The following ROCK2 variants were observed in gnomAD, a reference collection of about 807,000 sequenced individuals.
ROCK2 encodes rho-associated protein kinase 2.
A neutral mutation model predicts 195.1 loss-of-function variants in ROCK2; 61 were observed. That is an observed-to-expected ratio of 0.31 (90% CI 0.25 to 0.39). ROCK2 has a LOEUF of 0.39. ROCK2 is among the 10% of genes least tolerant of loss of function. The pLI is 1.00. For synonymous variants in ROCK2, 504 were observed against 545.5 expected, an observed-to-expected ratio of 0.92 and a Z score of 1.06; for missense variants, 1,109 against 1,637.4, an observed-to-expected ratio of 0.68 and a Z score of 5.57.
At chr2:11,232,125 C>T (rs919022172) in intron 5 of ROCK2, among the ~76,000 whole-genome samples, 38 of 133,858 alleles carry the variant, frequency 2.8e-4, no homozygotes, top group African/African-American at 9.2e-4. Flanking sequence ...AAACTATGGA[C>T]ATTTCTTTTT....
intron 1 of ROCK2, among the ~76,000 whole-genome samples, chr2:11,320,298 A>C (rs964054033): frequency 1.3e-5 from 2 of 152,200 alleles, no homozygotes; most frequent in African/African-American, 2.4e-5. Context: ...AGAAAATAAT[A>C]GCTATTTGGG....
At chr2:11,301,438 A>C (rs1041619383) in intron 1 of ROCK2, among the ~76,000 whole-genome samples, 2 of 152,110 alleles carry the variant, frequency 1.3e-5, no homozygotes, top group Non-Finnish European at 2.9e-5. Context: ...CCAGCATCTT[A>C]GTATCAACAT....
chr2:11,204,272 T>C (rs1049391072), intron 20 of ROCK2, among the ~76,000 whole-genome samples: 9 of 152,098 alleles, frequency 5.9e-5, no homozygotes, highest in African/African-American at 1.7e-4. Context: ...CCTCCCAATA[T>C]AGTTGTATCA....
At chr2:11,258,322 T>C (rs901789914) in intron 3 of ROCK2, among the ~76,000 whole-genome samples, 1 of 151,492 alleles carries the variant, frequency 6.6e-6, no homozygotes. Context: ...TTTTGTCTCA[T>C]ACCCTTACTA....
chr2:11,227,975 T>A (rs1378908424), intron 5 of ROCK2, among the ~76,000 whole-genome samples: 2 of 152,198 alleles, frequency 1.3e-5, no homozygotes, highest in Non-Finnish European at 2.9e-5. Flanking sequence ...TATGCAGCTG[T>A]GGCATCAATA....
intron 1 of ROCK2, among the ~76,000 whole-genome samples, chr2:11,334,075 CAT>C (rs1668848209): frequency 6.6e-6 from 1 of 152,152 alleles, no homozygotes; most frequent in Admixed American, 6.6e-5. Flanking sequence ...ATCCTCCCTG[CAT>C]ATATAGATGT....
At position 11,197,133 on chromosome 2, in the gene ROCK2, C is replaced by T. The variant is rs1663669211; in HGVS notation, c.3448+47G>A. 1 of 1,367,194 alleles carries T rather than the reference C, an allele frequency of 7.3e-7. No homozygotes were observed. Among genetic ancestry groups the T allele is most frequent in the Non-Finnish European group, 9.8e-7 (1 of 1,015,732 alleles). The allele number at this position is 1,367,194 out of a possible 1,614,324, so 84.7% of individuals were successfully genotyped here. ...CAGTCGCAAGACTTAAAACAATCAA[C>T]TGATTTATATTTAAGATAAATATTA... On this transcript the variant is annotated intron_variant, in intron 27 of 32. Transcript: ENST00000315872. This position sits in a 1 kb window ranked among gnomAD's most constrained non-coding sequence, Gnocchi z 4.9.
At position 11,208,371 on chromosome 2, in the gene ROCK2, T is replaced by C. The variant is rs1052495017; in HGVS notation, c.2280A>G (p.Arg760=). The C allele has an allele frequency of 1.3e-6, 2 of 1,553,790 alleles. No homozygotes were observed. The highest frequency in any genetic ancestry group is 1.8e-6 in the Non-Finnish European group (2 of 1,142,354). ...VENLLLEAEK[R]CSLLDCDLKQ... ...TGAGGTCACAGTCTAATAGAGAACA[T>C]CTTTTCTCAGCTTCTAGCAATAGGT... The change falls in exon 19 of 33, where the codon AGA becomes AGG. Residue 760 remains arginine (R), a synonymous_variant. Coordinates refer to ENST00000315872, the MANE Select transcript of ROCK2 (RefSeq NM_004850.5).
chr2:11,258,706 A>T (rs577404668), intron 3 of ROCK2, among the ~76,000 whole-genome samples: 6 of 151,288 alleles, frequency 4.0e-5, no homozygotes. Flanking sequence ...TATTTCTGTT[A>T]GTCACGGGTT....
At chr2:11,250,732 T>C (rs1665802468) in intron 3 of ROCK2, among the ~76,000 whole-genome samples, 3 of 152,172 alleles carry the variant, frequency 2.0e-5, no homozygotes, top group South Asian at 2.1e-4. Context: ...ATCCTGTCAG[T>C]TCTACCTTCA....
At chr2:11,250,706 T>C (rs1240864165) in intron 3 of ROCK2, among the ~76,000 whole-genome samples, 2 of 152,188 alleles carry the variant, frequency 1.3e-5, no homozygotes, top group African/African-American at 4.8e-5. Flanking sequence ...AAACAACTTA[T>C]CAAATTTATC....
intron 1 of ROCK2, among the ~76,000 whole-genome samples, chr2:11,327,174 C>T (rs1354309800): frequency 6.6e-6 from 1 of 152,124 alleles, no homozygotes; most frequent in Non-Finnish European, 1.5e-5. Flanking sequence ...GATGAAAATT[C>T]ATGAGGACAA....
chr2:11,336,255 T>C (rs1414479724), intron 1 of ROCK2, among the ~76,000 whole-genome samples: 1 of 152,152 alleles, frequency 6.6e-6, no homozygotes, highest in Non-Finnish European at 1.5e-5. Context: ...TAAAAAGAAA[T>C]GACTTTTTTT....
chr2:11,254,193 T>C (rs1341749373), intron 3 of ROCK2, among the ~76,000 whole-genome samples: 1 of 152,118 alleles, frequency 6.6e-6, no homozygotes, highest in Non-Finnish European at 1.5e-5. Context: ...CCATCAAAAA[T>C]GACAAAACAC....
rs528587908 is a variant in ROCK2, at chr2:11,296,308, C to G, written c.142-8572G>C. Among the ~76,000 whole-genome samples the G allele has an allele frequency of 9.5e-4, 145 of 152,166 alleles. 4 individuals carry two copies. Among genetic ancestry groups the G allele is most frequent in the Non-Finnish European group, 1.6e-4 (11 of 67,974 alleles). The stretch of plus-strand genomic sequence containing the variant: ...TTTCTTAAATTTTGAAAAGATACAA[C>G]AAACAGATAAAGTTTTGTTTATTAG... On this transcript the variant is annotated intron_variant, in intron 1 of 32. Transcript: ENST00000315872.
intron 27 of ROCK2, among the ~76,000 whole-genome samples, chr2:11,195,487 T>C (rs1663597339): frequency 1.3e-5 from 2 of 152,160 alleles, no homozygotes; most frequent in South Asian, 4.1e-4. Flanking sequence ...ATAACTATAA[T>C]AAAATAAAAT....
chr2:11,183,551 T>C (rs913990905), intron 32 of ROCK2, 111 bp from the exon 33 acceptor site: 1 of 720,528 alleles, frequency 1.4e-6, no homozygotes, highest in Admixed American at 3.4e-5. Context: ...GTCTTCCAGC[T>C]ACTATATTTT....
At chr2:11,256,548 C>T (rs1411585835) in intron 3 of ROCK2, among the ~76,000 whole-genome samples, 1 of 150,558 alleles carries the variant, frequency 6.6e-6, no homozygotes, top group African/African-American at 2.5e-5. Flanking sequence ...AATGTGAGAA[C>T]GGACTAATAC....
chr2:11,273,789 A>G (rs1247445169), intron 3 of ROCK2, among the ~76,000 whole-genome samples: 1 of 152,116 alleles, frequency 6.6e-6, no homozygotes, highest in Non-Finnish European at 1.5e-5. Flanking sequence ...TTTTCCAACC[A>G]CAATGGGATG....
Sources: gnomAD v4.1 joint callset for allele counts (sites outside exome capture counted in the v4.1 genomes callset) on GRCh38, gnomAD v4.1.1 for gene constraint, Gnocchi (gnomAD v3.1) non-coding constraint, MANE v1.5 for transcripts, NCBI Gene and HGNC (gene_info 2026-07-23, HGNC 2026-07-21) for gene names.